Variants in DGKQ observed in about 807,000 individuals in gnomAD.
The protein encoded by DGKQ is DAG kinase theta.
A neutral mutation model predicts 104.2 loss-of-function variants in DGKQ; 97 were observed. That is an observed-to-expected ratio of 0.93 (90% CI 0.79 to 1.10). DGKQ has a LOEUF of 1.10. Among genes scored for constraint, DGKQ ranks in the 50% least tolerant of loss-of-function variants. The probability of loss-of-function intolerance (pLI) is 0.00; values close to 1 mark genes in which losing one functional copy is unlikely to be tolerated. For missense variants in DGKQ, 1,465 were observed against 1,352.1 expected (o/e 1.08, Z -1.31); for synonymous variants, 736 against 595.2 (o/e 1.24, Z -3.44).
chr4:967,400 G>GTCGGGCGGGGT (rs1712476511), intron 8 of DGKQ, 39 bp from the exon 9 acceptor site: 1 of 1,398,968 alleles, frequency 7.1e-7, no homozygotes, highest in African/African-American at 1.4e-5. Context: ...GTTGTGGGGG[G>GTCGGGCGGGGT]TCAGGCGGGG....
rs765918344 is a variant in DGKQ at position 960,632 on chromosome 4, G to A, written c.2817C>T (p.Ser939=). The change falls in exon 23 of 23, where the codon AGC becomes AGT. Residue 939 remains serine, a synonymous_variant. Coordinates refer to ENST00000273814, the MANE Select transcript of DGKQ (RefSeq NM_001347.4). ...ARADAAPAPE[S]DPR is the part of the protein sequence containing the mutation. ...GCCCCAGCCACCCCTACCTAGGATC[G>A]CTCTCAGGGGCAGGCGCAGCATCCG... The A allele has an allele frequency of 1.7e-5, 27 of 1,611,440 alleles. No individual in the cohort carries two copies. Among genetic ancestry groups the A allele is most frequent in the African/African-American group, 6.7e-5 (5 of 74,894 alleles).
At chr4:964,224 GT>G (rs1712114583) in intron 15 of DGKQ, 1 of 154,444 alleles carries the variant, frequency 6.5e-6, no homozygotes, top group Admixed American at 6.5e-5. Flanking sequence ...GCAAGGCCGG[GT>G]GTAGGGGCAC....
intron 8 of DGKQ, 74 bp downstream of exon 8, chr4:967,475 C>G: frequency 6.6e-7 from 1 of 1,520,316 alleles, no homozygotes; most frequent in Non-Finnish European, 9.0e-7. Context: ...TTGGGGGAGC[C>G]AGGTCAGGTG....
At chr4:967,415 G>GT in intron 8 of DGKQ, 54 bp from the exon 9 acceptor site, 1 of 1,349,398 alleles carries the variant, frequency 7.4e-7, no homozygotes, top group Non-Finnish European at 1.0e-6. Context: ...GCGGGGTTCA[G>GT]TGGGGGGCAG....
Position 961,169 on chromosome 4 carries a change from G to T in DGKQ, c.2607C>A (p.Ile869=). 1 of 1,592,994 alleles carries T rather than the reference G, an allele frequency of 6.3e-7. No homozygotes were observed. The highest frequency in any genetic ancestry group is 8.5e-7 in the Non-Finnish European group (1 of 1,170,092). Residue 869 remains isoleucine (I), a synonymous_variant, in exon 22 of 23, where the codon ATC becomes ATA. Transcript: ENST00000273814. The stretch of plus-strand genomic sequence containing the variant: ...GGAAGTAGGAACCCTGGGCAATCCG[G>T]ATTCCGGAGCGCAGCCCACCCTGGA... ...GQVQGGLRSG[I]RIAQGSYFRV...
chr4:961,780 A>T lies in DGKQ; in HGVS notation c.2370T>A (p.Ser790=), dbSNP rs1355705200. ...VRVGLQKISH[S]RSLHKQIRLQ... is the part of the protein sequence containing the mutation. Reference sequence around the variant, plus strand: ...GCCGGATCTGCTTGTGCAGGCTCCGAGAGTGACTGATCTTCTGCAGCCCCA... The same window carrying T: ...GCCGGATCTGCTTGTGCAGGCTCCGTGAGTGACTGATCTTCTGCAGCCCCA... The change falls in exon 20 of 23, where the codon TCT becomes TCA. Residue 790 remains serine (S), a synonymous_variant. Transcript: ENST00000273814. The T allele has an allele frequency of 6.2e-7, 1 of 1,611,294 alleles. No homozygotes were observed. Among genetic ancestry groups the T allele is most frequent in the Non-Finnish European group, 8.5e-7 (1 of 1,179,232 alleles).
chr4:968,731 T>C, intron 3 of DGKQ, 80 bp downstream of exon 3: 3 of 1,410,400 alleles, frequency 2.1e-6, no homozygotes, highest in Non-Finnish European at 2.9e-6. Context: ...CCTGACAAGC[T>C]GCACAGCAGG....
Position 961,759 on chromosome 4 carries a change from G to A in DGKQ, c.2391C>T (p.Ile797=). 1.2e-6 allele frequency: 2 copies of A among 1,612,526 alleles called. No individual in the cohort carries two copies. Among genetic ancestry groups the A allele is most frequent in the Non-Finnish European group, 1.7e-6 (2 of 1,179,798 alleles). ...ISHSRSLHKQ[I]RLQVERQEVE... Reference sequence around the variant, plus strand: ...CCTCCTGCCGCTCCACCTGCAGCCGGATCTGCTTGTGCAGGCTCCGAGAGT... The same window carrying A: ...CCTCCTGCCGCTCCACCTGCAGCCGAATCTGCTTGTGCAGGCTCCGAGAGT... The change falls in exon 20 of 23, where the codon ATC becomes ATT. Residue 797 remains isoleucine (I), a synonymous_variant. Transcript: ENST00000273814.
At position 962,859 on chromosome 4, in the gene DGKQ, C is replaced by A. The variant is rs1219321391; in HGVS notation, c.1948G>T (p.Val650Leu). 1.2e-6 allele frequency: 2 copies of A among 1,608,336 alleles called. No individual in the cohort carries two copies. The highest frequency in any genetic ancestry group is 2.7e-5 in the African/African-American group (2 of 74,856). The change falls in exon 17 of 23, where the codon GTG becomes TTG. Residue 650 changes from valine to leucine, a missense_variant. By Grantham distance (32) the Val-to-Leu change is conservative. Coordinates refer to ENST00000273814, the MANE Select transcript of DGKQ (RefSeq NM_001347.4). ...TCCAGGGCGCCAAGCACCCAGCCCA[C>A]AGTGCCATCGCCACCACACACCAGC... ...RVLVCGGDGT[V>L]GWVLGALEET...
In DGKQ at chr4:971,015, C is replaced by T. The variant is rs1366592477; in HGVS notation, c.329G>A (p.Ser110Asn). 3 of 1,553,770 alleles carry T rather than the reference C, an allele frequency of 1.9e-6. No homozygotes were observed. The highest frequency in any genetic ancestry group is 1.9e-5 in the Admixed American group (1 of 51,316). Reference sequence around the variant, plus strand: ...CACCCGGACCAGGCTGGGTGCCACACTCGTGCACGGGATCCTCACGTGCTT... The same window carrying T: ...CACCCGGACCAGGCTGGGTGCCACATTCGTGCACGGGATCCTCACGTGCTT... ...CLKHVRIPCT[S>N]VAPSLVRVPV... is the part of the protein sequence containing the mutation. Residue 110 changes from serine (S) to asparagine (N), a missense_variant, in exon 2 of 23, where the codon AGT becomes AAT. By Grantham distance (46) the Ser-to-Asn change is conservative. Transcript: ENST00000273814. This position sits in a 1 kb window ranked among gnomAD's most constrained non-coding sequence, Gnocchi z 4.0.
At position 967,862 on chromosome 4, in the gene DGKQ, G is replaced by T; in HGVS notation, c.811+18C>A. 6.8e-7 allele frequency: 1 copy of T among 1,476,220 alleles called. No homozygotes were observed. The highest frequency in any genetic ancestry group is 8.9e-7 in the Non-Finnish European group (1 of 1,117,556). The allele number at this position is 1,476,220 out of a possible 1,614,324, so 91.4% of individuals were successfully genotyped here. A position where few individuals can be genotyped will look rare whatever the true frequency, so the allele number is the denominator to read the frequency against. On this transcript the variant is annotated intron_variant, in intron 6 of 22. Coordinates refer to ENST00000273814, the MANE Select transcript of DGKQ (RefSeq NM_001347.4). ...CGCAGCCCCCAGCCCAGGGCGCCCC[G>T]GCCGGCCCGCACCTCACCCGGCTCC...
chr4:966,980 G>T lies in DGKQ; in HGVS notation c.1295C>A (p.Pro432Gln). The change falls in exon 10 of 23, where the codon CCG (proline) becomes CAG (glutamine). Residue 432 changes from proline (P) to glutamine (Q), a missense_variant. Transcript: ENST00000273814. Reference protein sequence around the residue: ...TARSVVLEVLPLLGRQAESPE... With the variant: ...TARSVVLEVLQLLGRQAESPE... ...GGTACGCACCTGGCGGCCGAGCAGC[G>T]GCAGGACCTCCAGCACCACAGAGCG... is the stretch of plus-strand genomic sequence containing the variant. 1 of 1,565,342 alleles carries T rather than the reference G, an allele frequency of 6.4e-7. No individual in the cohort carries two copies. Among genetic ancestry groups the T allele is most frequent in the Non-Finnish European group, 8.6e-7 (1 of 1,157,852 alleles).
chr4:963,167 C>G lies in DGKQ; in HGVS notation c.1858G>C (p.Asp620His). 2 of 1,607,638 alleles carry G rather than the reference C, an allele frequency of 1.2e-6. No individual in the cohort carries two copies. Among genetic ancestry groups the G allele is most frequent in the Non-Finnish European group, 1.7e-6 (2 of 1,175,878 alleles). The stretch of plus-strand genomic sequence containing the variant: ...GGAAGAGGACCTCCGTTGGTCAGGT[C>G]GAAGACCTGATGAGGGTTCAGTAGC... The part of the protein sequence containing the change: ...RKLLNPHQVF[D>H]LTNGGPLPGL... The change falls in exon 16 of 23, where the codon GAC becomes CAC. Residue 620 changes from aspartate to histidine, a missense_variant. Physicochemically the swap from Asp to His is moderately conservative, Grantham distance 81 (BLOSUM62 -1). Coordinates refer to ENST00000273814, the MANE Select transcript of DGKQ (RefSeq NM_001347.4).
chr4:969,649 G>T (rs1321456266), intron 2 of DGKQ, among the ~76,000 whole-genome samples: 1 of 143,644 alleles, frequency 7.0e-6, no homozygotes, highest in African/African-American at 2.6e-5. Flanking sequence ...TCGCTCTGTC[G>T]CCCAGGCTGG....
At chr4:965,556 G>T (rs201971018) in intron 13 of DGKQ, 27 bp from the exon 14 acceptor site, 17 of 1,609,440 alleles carry the variant, frequency 1.1e-5, no homozygotes, top group Non-Finnish European at 1.4e-5. Context: ...TGGTCAGGGC[G>T]GTGGGAGGCG....
chr4:964,462 G>A (rs1712137350), intron 15 of DGKQ, among the ~76,000 whole-genome samples: 1 of 151,784 alleles, frequency 6.6e-6, no homozygotes, highest in South Asian at 2.1e-4. Flanking sequence ...GGAGTCCCAG[G>A]CTCCAGCCCC....
At position 967,896 on chromosome 4, in the gene DGKQ, C is replaced by T. The variant is rs754346780; in HGVS notation, c.795G>A (p.Val265=). The T allele has an allele frequency of 2.8e-6, 4 of 1,452,188 alleles. No individual in the cohort carries two copies. Among genetic ancestry groups the T allele is most frequent in the Non-Finnish European group, 1.8e-6 (2 of 1,110,320 alleles). 90.0% of individuals were successfully genotyped at this position (1,452,188 alleles called of 1,614,324 possible). A position where few individuals can be genotyped will look rare whatever the true frequency, so the allele number is the denominator to read the frequency against. The change falls in exon 6 of 23, where the codon GTG becomes GTA. Residue 265 remains valine, a synonymous_variant. Transcript: ENST00000273814. ...GFSKTQSFRI[V]EAAEPGEGGD... is the part of the protein sequence containing the mutation. ...GCACCTCACCCGGCTCCGCGGCCTC[C>T]ACGATGCGGAAGCTCTGCGTCTTGC...
At chr4:968,999 G>T in intron 2 of DGKQ, 89 bp from the exon 3 acceptor site, 1 of 855,272 alleles carries the variant, frequency 1.2e-6, no homozygotes, top group Non-Finnish European at 1.8e-6. Context: ...CAACTCTGCA[G>T]CTCACGCTCC....
Position 960,313 on chromosome 4 carries a change from AGAG to A in DGKQ, c.*304_*306del. ...GAGGGATGGGTGCCCACCCCTGAGG[AGAG>A]GACCAGGCCCCCACAGGGCAGAGGG... On this transcript the variant is annotated 3_prime_UTR_variant, in exon 23 of 23. Coordinates refer to ENST00000273814, the MANE Select transcript of DGKQ (RefSeq NM_001347.4). 1 of 457,528 alleles carries A rather than the reference AGAG, an allele frequency of 2.2e-6. No individual in the cohort carries two copies. Among genetic ancestry groups the A allele is most frequent in the South Asian group, 3.0e-5 (1 of 32,836 alleles). The allele number at this position is 457,528 out of a possible 1,614,324, so 28.3% of individuals were successfully genotyped here. A position where few individuals can be genotyped will look rare whatever the true frequency, so the allele number is the denominator to read the frequency against.
Sources: gnomAD v4.1 joint callset for allele counts (sites outside exome capture counted in the v4.1 genomes callset) on GRCh38, gnomAD v4.1.1 for gene constraint, Gnocchi (gnomAD v3.1) non-coding constraint, MANE v1.5 for transcripts, NCBI Gene and HGNC (gene_info 2026-07-23, HGNC 2026-07-21) for gene names.